The following BRDT variants were observed in gnomAD, a reference collection of about 807,000 sequenced individuals.
BRDT encodes bromodomain testis-specific protein.
Under a neutral mutation model 113.9 loss-of-function variants are expected in BRDT, and 77 were observed. That is an observed-to-expected ratio of 0.68 (90% CI 0.56 to 0.82). The LOEUF is 0.82. Among genes scored for constraint, BRDT ranks in the 40% least tolerant of loss-of-function variants. The probability of loss-of-function intolerance (pLI) is 0.00; values close to 1 mark genes in which losing one functional copy is unlikely to be tolerated. For synonymous variants in BRDT, 358 were observed against 366.5 expected (o/e 0.98, Z 0.26); for missense variants, 1,027 against 1,105.4 (o/e 0.93, Z 1.01).
upstream of BRDT, chr1:91,949,386 C>T (rs563266289): frequency 1.3e-5 from 2 of 152,264 alleles, no homozygotes; most frequent in African/African-American, 4.8e-5. Flanking sequence ...AAGCGCCTGT[C>T]GCGCGACCGC....
At chr1:91,998,443 C>T (rs993688370) in intron 15 of BRDT, among the ~76,000 whole-genome samples, 1 of 152,032 alleles carries the variant, frequency 6.6e-6, no homozygotes, top group African/African-American at 2.4e-5. Context: ...CACTATGGCA[C>T]GTGTAACAAA....
chr1:91,951,278 G>A (rs1264474424), intron 1 of BRDT, among the ~76,000 whole-genome samples: 1 of 152,188 alleles, frequency 6.6e-6, no homozygotes, highest in Non-Finnish European at 1.5e-5. Flanking sequence ...GAGTTGAACT[G>A]TATGATCTTA....
At position 92,002,142 on chromosome 1, in the gene BRDT, T is replaced by C. The variant is rs368528585; in HGVS notation, c.2381T>C (p.Val794Ala). The change falls in exon 16 of 19, where the codon GTA (valine) becomes GCA (alanine). Residue 794 changes from valine to alanine, a missense_variant. By Grantham distance (64) the Val-to-Ala change is moderately conservative. Coordinates refer to ENST00000399546, the MANE Select transcript of BRDT (RefSeq NM_207189.4). ...TMLESECQAP[V>A]QKDIKIKNAD... ...TTAGAATCTGAATGTCAAGCTCCTG[T>C]ACAGAAGGTAAAAGTAATTTTTTTT... 1.2e-6 allele frequency: 2 copies of C among 1,609,260 alleles called. No homozygotes were observed. The highest frequency in any genetic ancestry group is 2.2e-5 in the East Asian group (1 of 44,850).
chr1:91,953,181 CTA>C (rs1378600234), intron 1 of BRDT, among the ~76,000 whole-genome samples: 5 of 147,574 alleles, frequency 3.4e-5, no homozygotes, highest in Admixed American at 2.1e-4. Context: ...TTTGCAGAAA[CTA>C]TTTTCTCCCT....
At chr1:91,967,270 C>G (rs968115663) in intron 3 of BRDT, among the ~76,000 whole-genome samples, 16 of 151,046 alleles carry the variant, frequency 1.1e-4, no homozygotes, top group African/African-American at 3.7e-4. Flanking sequence ...AGTTTTCGCT[C>G]TTGTTGCCCA....
At chr1:91,971,435 A>G (rs1484770688) in intron 4 of BRDT, among the ~76,000 whole-genome samples, 4 of 152,224 alleles carry the variant, frequency 2.6e-5, no homozygotes, top group African/African-American at 9.6e-5. Flanking sequence ...TGACAGAAGC[A>G]TTCCACTACC....
intron 2 of BRDT, among the ~76,000 whole-genome samples, chr1:91,963,359 A>G (rs1411875969): frequency 1.3e-5 from 2 of 152,202 alleles, no homozygotes; most frequent in African/African-American, 4.8e-5. Flanking sequence ...TTTATTTAGC[A>G]TCATTAAAGT....
chr1:92,001,914 A>G lies in BRDT; in HGVS notation c.2288-135A>G, dbSNP rs1396675189. 12 of 592,686 alleles carry G rather than the reference A, an allele frequency of 2.0e-5. No individual in the cohort carries two copies. The East Asian group carries it at 3.5e-4, about 17-fold the overall frequency. 36.7% of individuals were successfully genotyped at this position (592,686 alleles called of 1,614,324 possible). On this transcript the variant is annotated intron_variant, in intron 15 of 18. Transcript: ENST00000399546. ...ACAAGTCCCTAACTAAGAATATTCC[A>G]AAGTTAAATGATGCATCAAAAAATT...
chr1:91,961,871 A>G (rs1682484299), intron 1 of BRDT, among the ~76,000 whole-genome samples: 1 of 151,996 alleles, frequency 6.6e-6, no homozygotes, highest in Non-Finnish European at 1.5e-5. Context: ...AAAACAGCCA[A>G]GGTTGGCCGG....
chr1:91,972,270 A>G (rs957925797), intron 4 of BRDT, among the ~76,000 whole-genome samples: 1 of 152,136 alleles, frequency 6.6e-6, no homozygotes, highest in Non-Finnish European at 1.5e-5. Flanking sequence ...CCCATTCTAT[A>G]GTTCTCTTGA....
At chr1:91,980,584 T>C in intron 8 of BRDT, 59 bp from the exon 9 acceptor site, 3 of 1,329,402 alleles carry the variant, frequency 2.3e-6, no homozygotes, top group Non-Finnish European at 2.0e-6. Context: ...TTGATTTTTT[T>C]CTAGTTTCTT....
intron 1 of BRDT, among the ~76,000 whole-genome samples, chr1:91,958,214 CTT>C (rs35049237): frequency 2.5e-3 from 312 of 127,328 alleles, no homozygotes; most frequent in African/African-American, 7.6e-3. Context: ...AACTCATGCC[CTT>C]TTTTTTTTTT....
At chr1:91,994,712 C>CA (rs1686114077) in intron 15 of BRDT, among the ~76,000 whole-genome samples, 2 of 150,862 alleles carry the variant, frequency 1.3e-5, no homozygotes, top group African/African-American at 4.9e-5. Flanking sequence ...ACTAAAAATA[C>CA]AAAAAATTAG....
chr1:91,991,122 A>T, intron 12 of BRDT, 62 bp from the exon 13 acceptor site: 1 of 1,127,148 alleles, frequency 8.9e-7, no homozygotes, highest in South Asian at 1.5e-5. Flanking sequence ...ATATGGAAAA[A>T]TTATAACTTG....
intron 15 of BRDT, among the ~76,000 whole-genome samples, chr1:91,997,909 TG>T (rs1686486379): frequency 6.6e-6 from 1 of 152,238 alleles, no homozygotes; most frequent in African/African-American, 2.4e-5. Context: ...ATAAATTTTT[TG>T]TTAAACCTTA....
chr1:91,985,842 G>A (rs10875110), intron 12 of BRDT, among the ~76,000 whole-genome samples: 90 of 150,286 alleles, frequency 6.0e-4, no homozygotes, highest in Non-Finnish European at 6.4e-4. Context: ...GTTTCACCGT[G>A]TTAGCCAGGA....
rs774952902 is a variant in BRDT, at chr1:91,978,997, CAAA to C, written c.1099-558_1099-556del. Among the ~76,000 whole-genome samples, 150 of 77,140 alleles carry C rather than the reference CAAA, an allele frequency of 1.9e-3. 1 individual carries two copies. The highest frequency in any genetic ancestry group is 4.5e-3 in the Admixed American group (29 of 6,424). The allele number at this position is 77,140 out of a possible 152,430, so 50.6% of individuals were successfully genotyped here. On this transcript the variant is annotated intron_variant, in intron 7 of 18. Transcript: ENST00000399546. ...TGGGCGACAGAGCGAGACTACGTCT[CAAA>C]AAAAAAAAAAAAACAACAACAACAA...
chr1:91,998,564 T>G (rs1475759820), intron 15 of BRDT, among the ~76,000 whole-genome samples: 2 of 152,308 alleles, frequency 1.3e-5, no homozygotes, highest in Middle Eastern at 3.4e-3. Context: ...TATATAAACA[T>G]GAATTCATAA....
intron 7 of BRDT, among the ~76,000 whole-genome samples, chr1:91,979,068 A>G (rs1206353914): frequency 6.6e-6 from 1 of 151,222 alleles, no homozygotes; most frequent in Non-Finnish European, 1.5e-5. Context: ...TCTTGCCTGA[A>G]AAAAATGGAG....
Sources: allele counts gnomAD v4.1 joint callset (sites outside exome capture counted in the v4.1 genomes callset), GRCh38; gene constraint gnomAD v4.1.1; transcripts MANE v1.5; gene names NCBI Gene and HGNC (gene_info 2026-07-23, HGNC 2026-07-21).